The following TMEM50B variants were observed in gnomAD, a reference collection of about 807,000 sequenced individuals.
TMEM50B encodes the protein transmembrane protein 50B, also known as HCV p7-trans-regulated protein 3.
A neutral mutation model predicts 23.4 loss-of-function variants in TMEM50B; 14 were observed. The observed-to-expected ratio is 0.60, with a 90% CI of 0.39 to 0.93. TMEM50B has a LOEUF of 0.93. Among genes scored for constraint, TMEM50B ranks in the 40% least tolerant of loss-of-function variants. The pLI, the probability that TMEM50B is intolerant of heterozygous loss-of-function variation, is 0.00. For missense variants in TMEM50B, 159 were observed against 193.0 expected (o/e 0.82, Z 1.04); for synonymous variants, 64 against 62.3 (o/e 1.03, Z -0.13).
intron 4 of TMEM50B, 112 bp downstream of exon 4, chr21:33,465,230 A>G: frequency 1.5e-6 from 1 of 655,568 alleles, no homozygotes; most frequent in South Asian, 2.6e-5. Flanking sequence ...CAAATAAAAA[A>G]TATTCTATAT....
chr21:33,455,953 C>T, intron 5 of TMEM50B, 169 bp from the exon 6 acceptor site: 1 of 695,502 alleles, frequency 1.4e-6, no homozygotes, highest in Non-Finnish European at 2.6e-6. Flanking sequence ...CAATTTAATT[C>T]CCCCAAAGCA....
At chr21:33,433,857 C>A (rs904023952) in intron 8 of TMEM50B, among the ~76,000 whole-genome samples, 1 of 151,748 alleles carries the variant, frequency 6.6e-6, no homozygotes, top group African/African-American at 2.4e-5. Context: ...CTGCAGTAGA[C>A]CCCTCTCCGA....
intron 7 of TMEM50B, among the ~76,000 whole-genome samples, chr21:33,442,036 A>T (rs1272547277): frequency 6.6e-6 from 1 of 152,020 alleles, no homozygotes; most frequent in Admixed American, 6.6e-5. Flanking sequence ...TGTTTGAAGC[A>T]CAAGTGACTC....
chr21:33,437,207 C>T (rs1229460638), intron 8 of TMEM50B: 5 of 488,472 alleles, frequency 1.0e-5, no homozygotes, highest in Non-Finnish European at 1.5e-5. Flanking sequence ...ATTAAGGCTT[C>T]TCTTAAACAC....
chr21:33,461,174 C>G (rs2084213759), intron 4 of TMEM50B, among the ~76,000 whole-genome samples: 1 of 152,214 alleles, frequency 6.6e-6, no homozygotes, highest in Non-Finnish European at 1.5e-5. Context: ...ACAGCCCCAT[C>G]AACCTCTGGA....
At chr21:33,475,459 G>GC (rs1369479179) in intron 1 of TMEM50B, among the ~76,000 whole-genome samples, 1 of 151,776 alleles carries the variant, frequency 6.6e-6, no homozygotes, top group African/African-American at 2.4e-5. Context: ...GCAGTTATCT[G>GC]CCCCCACCTC....
downstream of TMEM50B, among the ~76,000 whole-genome samples, chr21:33,445,623 C>G (rs1207228049): frequency 6.6e-6 from 1 of 152,292 alleles, no homozygotes; most frequent in South Asian, 2.1e-4. Flanking sequence ...GGCAAAACCC[C>G]ATCTCTACTA....
At chr21:33,461,544 C>G (rs2084216704) in intron 4 of TMEM50B, among the ~76,000 whole-genome samples, 1 of 152,066 alleles carries the variant, frequency 6.6e-6, no homozygotes, top group Non-Finnish European at 1.5e-5. Flanking sequence ...TAGCTCACAC[C>G]TGTAATCCTA....
intron 7 of TMEM50B, among the ~76,000 whole-genome samples, chr21:33,442,579 A>T (rs935084676): frequency 2.0e-5 from 3 of 152,132 alleles, no homozygotes; most frequent in African/African-American, 7.2e-5. Flanking sequence ...AGGGAGGCAG[A>T]CCCTCAGGGT....
intron 1 of TMEM50B, among the ~76,000 whole-genome samples, chr21:33,473,826 T>A (rs1380801925): frequency 2.0e-5 from 3 of 152,064 alleles, no homozygotes; most frequent in Non-Finnish European, 4.4e-5. Context: ...ACATAGCACA[T>A]CCATACAACG....
downstream of TMEM50B, among the ~76,000 whole-genome samples, chr21:33,446,666 AAAAAAAAAAAAAC>A (rs1568973012): frequency 1.4e-4 from 20 of 148,028 alleles, no homozygotes; most frequent in African/African-American, 5.0e-4. Context: ...AAAAAAAAAA[AAAAAAAAAAAAAC>A]CTCTAAGAAA....
At chr21:33,465,448 C>T (rs1029334911) in intron 3 of TMEM50B, 39 bp from the exon 4 acceptor site, 20 of 1,524,978 alleles carry the variant, frequency 1.3e-5, no homozygotes, top group African/African-American at 5.5e-5. Context: ...TTTCAGTATT[C>T]GCTGTTAAAA....
chr21:33,446,826 T>C (rs961158506), downstream of TMEM50B, among the ~76,000 whole-genome samples: 11 of 149,878 alleles, frequency 7.3e-5, no homozygotes, highest in Non-Finnish European at 8.9e-5. Context: ...CTGGGCAACA[T>C]AGCAAGACCC....
Position 33,455,781 on chromosome 21 carries a change from G to A in TMEM50B, c.377C>T (p.Thr126Ile), listed in dbSNP as rs978749353. 1 of 1,613,376 alleles carries A rather than the reference G, an allele frequency of 6.2e-7. No individual in the cohort carries two copies. Among genetic ancestry groups the A allele is most frequent in the African/African-American group, 1.3e-5 (1 of 75,034 alleles). ...ILFGAYVTQN[T>I]DVYPGLAVFF... ...CACAGCTAGTCCCGGATAAACATCA[G>A]TATCTACATACACAAAGTAAAACAG... is the stretch of plus-strand genomic sequence containing the variant. The change falls in exon 6 of 7, where the codon ACT becomes ATT. Residue 126 changes from threonine (T) to isoleucine (I), a missense_variant. Thr to Ile is a moderately conservative substitution (Grantham distance 89). Coordinates refer to ENST00000542230, the MANE Select transcript of TMEM50B (RefSeq NM_006134.7).
At chr21:33,460,159 G>C (rs992879934) in intron 5 of TMEM50B, among the ~76,000 whole-genome samples, 1 of 152,174 alleles carries the variant, frequency 6.6e-6, no homozygotes, top group Non-Finnish European at 1.5e-5. Context: ...CTAAGGTAAA[G>C]AAGGAAAGCA....
intron 8 of TMEM50B, chr21:33,437,125 G>GA: frequency 1.7e-6 from 1 of 575,560 alleles, no homozygotes; most frequent in Admixed American, 3.2e-5. Context: ...GGGGTGACAA[G>GA]CTTTTTTTTT....
chr21:33,473,147 A>G (rs2084333030), intron 1 of TMEM50B, among the ~76,000 whole-genome samples: 1 of 145,846 alleles, frequency 6.9e-6, no homozygotes. Flanking sequence ...CACTGTTAAT[A>G]ACGCTTTAAG....
downstream of TMEM50B, chr21:33,448,758 T>G (rs1195855357): frequency 6.6e-6 from 1 of 152,110 alleles, no homozygotes; most frequent in Non-Finnish European, 1.5e-5. Flanking sequence ...TTTTTTTTAA[T>G]TAACCAGACA....
intron 1 of TMEM50B, among the ~76,000 whole-genome samples, chr21:33,476,560 G>A (rs1009498534): frequency 6.6e-6 from 1 of 151,536 alleles, no homozygotes; most frequent in African/African-American, 2.4e-5. Flanking sequence ...AGGAGATTGA[G>A]ACCATCCTGG....
Sources: allele counts gnomAD v4.1 joint callset (sites outside exome capture counted in the v4.1 genomes callset), GRCh38; gene constraint gnomAD v4.1.1; transcripts MANE v1.5; gene names NCBI Gene and HGNC (gene_info 2026-07-23, HGNC 2026-07-21).